Variants in ULK2 observed in about 807,000 individuals in gnomAD.
ULK2 encodes the protein serine/threonine-protein kinase ULK2.
ULK2 carries 76 observed loss-of-function variants against 127.5 expected under a neutral mutation model. The ratio of observed to expected loss-of-function variants is 0.60; its 90% CI spans 0.50 to 0.72. The LOEUF is 0.72. Among genes scored for constraint, ULK2 ranks in the 30% least tolerant of loss-of-function variants. ULK2 has a pLI of 0.00. For missense variants in ULK2, 1,144 were observed against 1,295.9 expected (o/e 0.88, Z 1.80); for synonymous variants, 452 against 461.9 (o/e 0.98, Z 0.28).
At chr17:19,780,141 T>C (rs205095) in intron 25 of ULK2, among the ~76,000 whole-genome samples, 1 of 150,382 alleles carries the variant, frequency 6.6e-6, no homozygotes, top group African/African-American at 2.5e-5. Context: ...GCCACTGTAC[T>C]CCAGCCTGGG....
chr17:19,795,256 T>A (rs1349234662), intron 20 of ULK2, among the ~76,000 whole-genome samples: 1 of 149,944 alleles, frequency 6.7e-6, no homozygotes, highest in African/African-American at 2.5e-5. Flanking sequence ...CTCAGTGACC[T>A]ATGGGTCTTT....
intron 17 of ULK2, 23 bp downstream of exon 17, chr17:19,799,472 A>C (rs1237409947): frequency 6.6e-7 from 1 of 1,515,156 alleles, no homozygotes; most frequent in Non-Finnish European, 8.8e-7. Flanking sequence ...CAAATTATTA[A>C]TAAACCAAAT....
chr17:19,808,061 G>A (rs780195527), intron 14 of ULK2, among the ~76,000 whole-genome samples: 2 of 152,136 alleles, frequency 1.3e-5, no homozygotes, highest in African/African-American at 4.8e-5. Flanking sequence ...AGCCGAAATC[G>A]CACCATTGCA....
Position 19,849,720 on chromosome 17 carries a change from CAG to C in ULK2, c.258+20_258+21del. 1 of 1,384,228 alleles carries C rather than the reference CAG, an allele frequency of 7.2e-7. No individual in the cohort carries two copies. Among genetic ancestry groups the C allele is most frequent in the Non-Finnish European group, 9.7e-7 (1 of 1,029,806 alleles). The allele number at this position is 1,384,228 out of a possible 1,614,324, so 85.7% of individuals were successfully genotyped here. ...AAAAAGAAATTTGAAATAAATTAAA[CAG>C]AAGTTTGTATACTACCTACCTCCAT... On this transcript the variant is annotated intron_variant, in intron 4 of 26. Transcript: ENST00000395544.
At chr17:19,795,964 G>A in intron 19 of ULK2, 131 bp downstream of exon 19, 1 of 1,254,418 alleles carries the variant, frequency 8.0e-7, no homozygotes, top group Non-Finnish European at 1.1e-6. Flanking sequence ...AAATGTACGT[G>A]GTACATATCA....
At chr17:19,856,728 T>C (rs2042136849) in intron 3 of ULK2, among the ~76,000 whole-genome samples, 1 of 151,720 alleles carries the variant, frequency 6.6e-6, no homozygotes. Flanking sequence ...ATCCCAGCAC[T>C]TTGGGTGGCC....
chr17:19,846,109 G>A lies in ULK2; in HGVS notation c.469+628C>T, dbSNP rs112659386. 7.7e-3 allele frequency among the ~76,000 whole-genome samples: 1,170 copies of A among 152,274 alleles called. 15 individuals are homozygous for A. Among genetic ancestry groups the A allele is most frequent in the African/African-American group, 0.026 (1,085 of 41,562 alleles). ...CCACAGCACTCCAGCCTGGGTGACA[G>A]AGCGAGACTCCATCTCAGACAAACA... On this transcript the variant is annotated intron_variant, in intron 6 of 26. Transcript: ENST00000395544.
At position 19,803,953 on chromosome 17, in the gene ULK2, A is replaced by G. The variant is rs116746844; in HGVS notation, c.1295+740T>C. ...TCTCTCTGAGGGTACTGTGGGGCAC[A>G]GTGATTCTCCTTATGTCAGAATCCC... On this transcript the variant is annotated intron_variant, in intron 15 of 26. Coordinates refer to ENST00000395544, the MANE Select transcript of ULK2 (RefSeq NM_014683.4). Among the ~76,000 whole-genome samples, 1,056 of 152,334 alleles carry G rather than the reference A, an allele frequency of 6.9e-3. 16 individuals carry two copies. The highest frequency in any genetic ancestry group is 0.023 in the African/African-American group (953 of 41,564).
chr17:19,860,011 T>A (rs545340838), intron 3 of ULK2, among the ~76,000 whole-genome samples: 9 of 152,330 alleles, frequency 5.9e-5, no homozygotes, highest in Middle Eastern at 6.8e-3. Context: ...CATTTAGCCC[T>A]ACAATACTAT....
In ULK2 at chr17:19,864,797, A is replaced by C; in HGVS notation, c.225+6T>G. The stretch of plus-strand genomic sequence containing the variant: ...TTAATTTTTAAAAATTTTCAAAATA[A>C]GGTACCTGAACATCATAGAGTGCTA... On this transcript the variant is annotated splice_donor_region_variant and intron_variant, in intron 3 of 26. Coordinates refer to ENST00000395544, the MANE Select transcript of ULK2 (RefSeq NM_014683.4). The C allele has an allele frequency of 7.9e-7, 1 of 1,268,910 alleles. No individual in the cohort carries two copies. The highest frequency in any genetic ancestry group is 1.0e-6 in the Non-Finnish European group (1 of 968,492). 78.6% of individuals were successfully genotyped at this position (1,268,910 alleles called of 1,614,324 possible).
In ULK2 at chr17:19,774,846, A is replaced by C. The variant is rs2152380060; in HGVS notation, c.*1503T>G. The C allele has an allele frequency of 6.5e-6, 1 of 152,788 alleles. No individual in the cohort carries two copies. The highest frequency in any genetic ancestry group is 1.9e-4 in the East Asian group (1 of 5,184). 9.5% of individuals were successfully genotyped at this position (152,788 alleles called of 1,614,324 possible). On this transcript the variant is annotated 3_prime_UTR_variant, in exon 27 of 27. Transcript: ENST00000395544. ...CAGTGAGTTTTACCTAGTTTCAAGA[A>C]TAATGCATGCAGTTACAAATGAGAG...
At chr17:19,793,161 G>C (rs1262639628) in intron 20 of ULK2, among the ~76,000 whole-genome samples, 1 of 152,144 alleles carries the variant, frequency 6.6e-6, no homozygotes, top group African/African-American at 2.4e-5. Context: ...CAGCAGGAAG[G>C]AGAAATGCCA....
intron 3 of ULK2, among the ~76,000 whole-genome samples, chr17:19,859,578 G>A (rs2042201425): frequency 1.3e-5 from 2 of 152,138 alleles, no homozygotes; most frequent in East Asian, 1.9e-4. Context: ...TTATTCTACA[G>A]GAACACTATA....
intron 12 of ULK2, among the ~76,000 whole-genome samples, chr17:19,821,436 G>T (rs985238157): frequency 6.8e-6 from 1 of 147,774 alleles, no homozygotes; most frequent in Non-Finnish European, 1.5e-5. Flanking sequence ...TTTGGGGGGG[G>T]CCTAGAATTT....
chr17:19,816,969 G>C, intron 12 of ULK2, 49 bp from the exon 13 acceptor site: 2 of 1,541,012 alleles, frequency 1.3e-6, no homozygotes, highest in Non-Finnish European at 8.7e-7. Flanking sequence ...TCAAATGCAA[G>C]TCAGAATAGT....
chr17:19,841,076 AG>A (rs1299749311), intron 9 of ULK2, among the ~76,000 whole-genome samples: 1 of 152,156 alleles, frequency 6.6e-6, no homozygotes, highest in Non-Finnish European at 1.5e-5. Context: ...CAAGTTCGAG[AG>A]GAAAAAAAAA....
At position 19,797,355 on chromosome 17, in the gene ULK2, T is replaced by C. The variant is rs894608339; in HGVS notation, c.1809+41A>G. Reference sequence around the variant, plus strand: ...ATAATGAATCCTTTCCATAAAGTACTATACCAGTTCCTGACCTACAAAAGG... The same window carrying C: ...ATAATGAATCCTTTCCATAAAGTACCATACCAGTTCCTGACCTACAAAAGG... On this transcript the variant is annotated intron_variant, in intron 18 of 26. Coordinates refer to ENST00000395544, the MANE Select transcript of ULK2 (RefSeq NM_014683.4). 12 of 1,563,256 alleles carry C rather than the reference T, an allele frequency of 7.7e-6. No homozygotes were observed. In the African/African-American group the frequency reaches 1.1e-4, roughly 14 times the overall value.
chr17:19,862,418 C>T (rs988072169), intron 3 of ULK2, among the ~76,000 whole-genome samples: 4 of 151,894 alleles, frequency 2.6e-5, no homozygotes, highest in African/African-American at 9.7e-5. Flanking sequence ...CATCTTATAA[C>T]ATGAGTTTAG....
In ULK2 at chr17:19,858,109, T is replaced by C. The variant is rs9898077; in HGVS notation, c.225+6694A>G. ...CAGCACTTGGCACACTTGGAAATAG[T>C]AACTATTGGCCCGGGTGTGGTGGCT... On this transcript the variant is annotated intron_variant, in intron 3 of 26. Transcript: ENST00000395544. Among the ~76,000 whole-genome samples, 1,155 of 152,108 alleles carry C rather than the reference T, an allele frequency of 7.6e-3. 16 individuals are homozygous for C. The highest frequency in any genetic ancestry group is 0.026 in the African/African-American group (1,070 of 41,518).
Sources: gnomAD v4.1 joint callset for allele counts (sites outside exome capture counted in the v4.1 genomes callset) on GRCh38, gnomAD v4.1.1 for gene constraint, MANE v1.5 for transcripts, NCBI Gene and HGNC (gene_info 2026-07-23, HGNC 2026-07-21) for gene names.